The following AGMO variants were observed in gnomAD, a reference collection of about 807,000 sequenced individuals.
AGMO encodes alkylglycerol monooxygenase.
In AGMO, 75 loss-of-function variants were observed where a neutral mutation model predicts 60.2. That is an observed-to-expected ratio of 1.25 (90% CI 1.03 to 1.51). The LOEUF (loss-of-function observed/expected upper bound fraction) is 1.51, where lower values mean the gene tolerates loss of function less well. Among genes scored for constraint, AGMO ranks in the 40% most tolerant of loss-of-function variants. The pLI is 0.00. For synonymous variants in AGMO, 261 were observed against 177.1 expected (o/e 1.47, Z -3.76); for missense variants, 763 against 525.5 (o/e 1.45, Z -4.42).
At chr7:15,172,693 T>C in the AGMO span, among the ~76,000 whole-genome samples, 2 of 152,140 alleles carry the variant, frequency 1.3e-5, no homozygotes, top group Non-Finnish European at 2.9e-5. Context: ...TAAGCTTCTC[T>C]GATGCTCCAG....
chr7:15,194,931 C>T, the AGMO span, among the ~76,000 whole-genome samples: 4 of 152,154 alleles, frequency 2.6e-5, no homozygotes, highest in African/African-American at 9.7e-5. Context: ...ATGCTGTGTA[C>T]TGCCTCAGAA....
the AGMO span, among the ~76,000 whole-genome samples, chr7:15,194,966 T>G: frequency 6.6e-6 from 1 of 152,174 alleles, no homozygotes; most frequent in Non-Finnish European, 1.5e-5. Context: ...TGCATTTGTC[T>G]AATGTCTCTG....
chr7:15,436,203 T>C (rs1219229998), intron 3 of AGMO, among the ~76,000 whole-genome samples: 1 of 152,242 alleles, frequency 6.6e-6, no homozygotes, highest in Non-Finnish European at 1.5e-5. Context: ...AGAAGAGCTA[T>C]GCCTTAGTCC....
At chr7:15,223,058 A>C (rs1220959620) in intron 12 of AGMO, among the ~76,000 whole-genome samples, 1 of 152,022 alleles carries the variant, frequency 6.6e-6, no homozygotes, top group Non-Finnish European at 1.5e-5. Context: ...CATTTCATGT[A>C]GTTTAGTTTT....
At chr7:15,476,370 T>C (rs149579279) in intron 3 of AGMO, among the ~76,000 whole-genome samples, 11 of 152,086 alleles carry the variant, frequency 7.2e-5, no homozygotes, top group African/African-American at 2.7e-4. Context: ...TCATGAAAAA[T>C]TCAGTCTTTG....
chr7:15,184,359 GA>G, the AGMO span, among the ~76,000 whole-genome samples: 1 of 3,424 alleles, frequency 2.9e-4, no homozygotes, highest in Non-Finnish European at 4.9e-4. Flanking sequence ...GGGAGGGAGG[GA>G]AGGAAGGGAA....
At chr7:15,382,343 C>G (rs909799205) in intron 10 of AGMO, among the ~76,000 whole-genome samples, 1 of 151,970 alleles carries the variant, frequency 6.6e-6, no homozygotes, top group African/African-American at 2.4e-5. Flanking sequence ...CAGGTATATA[C>G]GAGGAATGTG....
chr7:15,383,437 G>A (rs576902955), intron 10 of AGMO, among the ~76,000 whole-genome samples: 9 of 151,824 alleles, frequency 5.9e-5, no homozygotes, highest in African/African-American at 1.9e-4. Flanking sequence ...ATAAAAAAAA[G>A]TCCCACCTAA....
the AGMO span, among the ~76,000 whole-genome samples, chr7:15,134,546 A>G: frequency 1.3e-5 from 2 of 152,132 alleles, no homozygotes; most frequent in African/African-American, 4.8e-5. Flanking sequence ...AAGGCAGAAC[A>G]TGTGGAATTT....
chr7:15,454,588 AGTGT>A (rs994353149), intron 3 of AGMO, among the ~76,000 whole-genome samples: 14 of 151,800 alleles, frequency 9.2e-5, no homozygotes, highest in South Asian at 2.1e-4. Context: ...TTCCAATCTT[AGTGT>A]GTGTGTGTAT....
the AGMO span, among the ~76,000 whole-genome samples, chr7:15,189,061 G>A: frequency 6.6e-6 from 1 of 152,104 alleles, no homozygotes; most frequent in Non-Finnish European, 1.5e-5. Context: ...AAAAGTTGGG[G>A]AAAATAGCAT....
intron 12 of AGMO, among the ~76,000 whole-genome samples, chr7:15,216,526 C>T (rs1251089096): frequency 6.6e-6 from 1 of 151,786 alleles, no homozygotes; most frequent in Non-Finnish European, 1.5e-5. Context: ...CCAAATCTTT[C>T]TACTGGAATT....
At chr7:15,247,913 G>A (rs1159306032) in intron 12 of AGMO, among the ~76,000 whole-genome samples, 2 of 151,522 alleles carry the variant, frequency 1.3e-5, no homozygotes, top group African/African-American at 4.8e-5. Context: ...AGTACACAGA[G>A]GATGAATGCC....
the AGMO span, among the ~76,000 whole-genome samples, chr7:15,195,286 G>A: frequency 6.6e-6 from 1 of 152,178 alleles, no homozygotes; most frequent in East Asian, 1.9e-4. Context: ...AAGAGCAGAG[G>A]TTTAATAGGA....
intron 2 of AGMO, among the ~76,000 whole-genome samples, chr7:15,549,714 A>T (rs1305024735): frequency 6.8e-4 from 103 of 151,242 alleles, no homozygotes; most frequent in Non-Finnish European, 1.3e-3. Context: ...ACACATTAAT[A>T]ATGGGAGACT....
intron 3 of AGMO, among the ~76,000 whole-genome samples, chr7:15,476,404 T>C (rs1043897824): frequency 2.0e-5 from 3 of 152,118 alleles, no homozygotes; most frequent in Admixed American, 6.6e-5. Context: ...CATGGAATGC[T>C]TCTTCATGCC....
At chr7:15,366,721 A>C (rs917116727) in intron 10 of AGMO, among the ~76,000 whole-genome samples, 1 of 152,078 alleles carries the variant, frequency 6.6e-6, no homozygotes, top group Non-Finnish European at 1.5e-5. Context: ...GATTCAATCT[A>C]CATGCTCATA....
chr7:15,428,391 C>T (rs1781130302), intron 4 of AGMO, among the ~76,000 whole-genome samples: 1 of 152,158 alleles, frequency 6.6e-6, no homozygotes, highest in African/African-American at 2.4e-5. Context: ...GTCATGCATT[C>T]TCAATGTTCG....
At chr7:15,119,818 A>G in the AGMO span, among the ~76,000 whole-genome samples, 1 of 152,186 alleles carries the variant, frequency 6.6e-6, no homozygotes, top group Non-Finnish European at 1.5e-5. Context: ...GAGAAAATGG[A>G]AACAATTAGA....
Sources: allele counts gnomAD v4.1 joint callset (sites outside exome capture counted in the v4.1 genomes callset), GRCh38; gene constraint gnomAD v4.1.1; transcripts MANE v1.5; gene names NCBI Gene and HGNC (gene_info 2026-07-23, HGNC 2026-07-21).